CEP250: variants seen among roughly 807,000 people sequenced by gnomAD.
CEP250 encodes the protein centrosome-associated protein CEP250.
In CEP250, 242 loss-of-function variants were observed where a neutral mutation model predicts 315.7. The ratio of observed to expected loss-of-function variants is 0.77; its 90% CI spans 0.69 to 0.85. The LOEUF is 0.85. Among genes scored for constraint, CEP250 ranks in the 40% least tolerant of loss-of-function variants. CEP250 has a pLI of 0.00. For synonymous variants in CEP250, 1,088 were observed against 1,175.0 expected (o/e 0.93, Z 1.51); for missense variants, 2,515 against 2,886.4 (o/e 0.87, Z 2.95).
chr20:35,460,492 G>C (rs1284386648), intron 3 of CEP250, among the ~76,000 whole-genome samples: 1 of 152,164 alleles, frequency 6.6e-6, no homozygotes, highest in Admixed American at 6.5e-5. Flanking sequence ...CCTGTCTAAA[G>C]GGGGCAGGCA....
intron 24 of CEP250, 30 bp downstream of exon 24, chr20:35,494,687 T>C (rs778556856): frequency 6.2e-7 from 1 of 1,612,188 alleles, no homozygotes; most frequent in Non-Finnish European, 8.5e-7. Flanking sequence ...GAGGTGGCTT[T>C]TGTCTATCTG....
At position 35,466,724 on chromosome 20, in the gene CEP250, T is replaced by C. The variant is rs140812029; in HGVS notation, c.493-242T>C. Among the ~76,000 whole-genome samples the C allele has an allele frequency of 3.4e-3, 511 of 152,230 alleles. 3 individuals carry two copies. Among genetic ancestry groups the C allele is most frequent in the African/African-American group, 0.012 (498 of 41,548 alleles). ...GATCCCATTTGTTAAGCAGCTACCG[T>C]GTATCCTTTTCTAATCTGGCCCAGA... is the stretch of plus-strand genomic sequence containing the variant. On this transcript the variant is annotated intron_variant, in intron 7 of 34. Coordinates refer to ENST00000397527, the MANE Select transcript of CEP250 (RefSeq NM_007186.6).
intron 31 of CEP250, 71 bp downstream of exon 31, chr20:35,507,922 T>G: frequency 1.9e-6 from 3 of 1,596,350 alleles, no homozygotes; most frequent in Non-Finnish European, 2.6e-6. Flanking sequence ...TCCCCTTCCC[T>G]TGGGAACTGG....
At chr20:35,471,035 C>T (rs1187709694) in intron 10 of CEP250, among the ~76,000 whole-genome samples, 1 of 152,150 alleles carries the variant, frequency 6.6e-6, no homozygotes, top group Non-Finnish European at 1.5e-5. Context: ...GCTCCTGAAC[C>T]CCTATTCATA....
chr20:35,467,179 G>GGGGGGGGGGGCGCCC, intron 8 of CEP250, 107 bp downstream of exon 8: 1 of 534,900 alleles, frequency 1.9e-6, no homozygotes, highest in Non-Finnish European at 3.5e-6. Flanking sequence ...GGTGGGTGGG[G>GGGGGGGGGGGCGCCC]GAGTTGGTAG....
intron 9 of CEP250, among the ~76,000 whole-genome samples, chr20:35,467,980 C>T (rs1178134993): frequency 8.3e-6 from 1 of 121,100 alleles, no homozygotes; most frequent in Non-Finnish European, 1.6e-5. Context: ...GAGTCTCATT[C>T]TATCGCCCAG....
At chr20:35,470,392 G>A (rs2062995072) in intron 10 of CEP250, among the ~76,000 whole-genome samples, 1 of 152,190 alleles carries the variant, frequency 6.6e-6, no homozygotes, top group Non-Finnish European at 1.5e-5. Flanking sequence ...TTGAGGCCCT[G>A]TGAAGGCCCT....
intron 20 of CEP250, among the ~76,000 whole-genome samples, chr20:35,489,875 G>A (rs765504491): frequency 3.3e-5 from 5 of 152,174 alleles, no homozygotes; most frequent in Non-Finnish European, 7.3e-5. Context: ...CAATGTGGCT[G>A]CTTTAAAGAT....
At chr20:35,479,944 G>A (rs776178519) in intron 19 of CEP250, 32 bp from the exon 20 acceptor site, 3 of 1,609,644 alleles carry the variant, frequency 1.9e-6, no homozygotes, top group East Asian at 4.5e-5. Flanking sequence ...AAAGGAGGGG[G>A]CGGAGGCCTG....
At chr20:35,499,466 C>T (rs1044912033) in intron 27 of CEP250, among the ~76,000 whole-genome samples, 2 of 152,188 alleles carry the variant, frequency 1.3e-5, no homozygotes, top group African/African-American at 4.8e-5. Flanking sequence ...AATTCCACCT[C>T]ACAGTGAACC....
chr20:35,475,292 C>T (rs533236773), intron 14 of CEP250, among the ~76,000 whole-genome samples: 1 of 152,322 alleles, frequency 6.6e-6, no homozygotes, highest in East Asian at 1.9e-4. Flanking sequence ...CTTTCTTCCC[C>T]CACTTTCTTG....
intron 9 of CEP250, among the ~76,000 whole-genome samples, chr20:35,468,945 A>G (rs2062958800): frequency 6.6e-6 from 1 of 152,116 alleles, no homozygotes; most frequent in African/African-American, 2.4e-5. Flanking sequence ...CCAAAGTTCT[A>G]GGATTACCGG....
At chr20:35,465,055 A>G (rs1568757036) in intron 5 of CEP250, among the ~76,000 whole-genome samples, 2 of 152,248 alleles carry the variant, frequency 1.3e-5, no homozygotes, top group South Asian at 4.1e-4. Context: ...TAACCTGCAC[A>G]GCAACTTTCT....
At chr20:35,487,771 A>G (rs2063559062) in intron 20 of CEP250, among the ~76,000 whole-genome samples, 1 of 152,204 alleles carries the variant, frequency 6.6e-6, no homozygotes, top group Non-Finnish European at 1.5e-5. Context: ...CCCCATCTCT[A>G]AATAAATAAA....
intron 20 of CEP250, among the ~76,000 whole-genome samples, chr20:35,483,847 T>G (rs984378434): frequency 2.0e-5 from 3 of 152,212 alleles, no homozygotes; most frequent in Non-Finnish European, 2.9e-5. Flanking sequence ...ATTTTCCTTT[T>G]CAGCTGTGTC....
At chr20:35,499,413 C>T (rs559499836) in intron 27 of CEP250, among the ~76,000 whole-genome samples, 1 of 152,298 alleles carries the variant, frequency 6.6e-6, no homozygotes, top group Non-Finnish European at 1.5e-5. Flanking sequence ...TTGAGGTTGG[C>T]ATTTATAGGC....
chr20:35,458,966 CTTTTTTTTTTTTTTTTT>C (rs778598883), intron 2 of CEP250, among the ~76,000 whole-genome samples: 1 of 59,210 alleles, frequency 1.7e-5, no homozygotes, highest in East Asian at 5.6e-4. Flanking sequence ...TAATGCAAAT[CTTTTTTTTTTTTTTTTT>C]TTTTTTTTTT....
At position 35,504,572 on chromosome 20, in the gene CEP250, G is replaced by C; in HGVS notation, c.6203G>C (p.Arg2068Thr). The change falls in exon 30 of 35, where the codon AGG becomes ACG. Residue 2068 changes from arginine to threonine, a missense_variant. Transcript: ENST00000397527. ...CTGCTGGAGAAGTCTCTGGCCCAGA[G>C]GGTCCAAGAGAATATGATCCAAGAG... Reference protein sequence around the residue: ...EQLLEKSLAQRVQENMIQEKQ... With the variant: ...EQLLEKSLAQTVQENMIQEKQ... 1 of 1,614,168 alleles carries C rather than the reference G, an allele frequency of 6.2e-7. No individual in the cohort carries two copies. The highest frequency in any genetic ancestry group is 1.1e-5 in the South Asian group (1 of 91,082).
chr20:35,504,873 G>C lies in CEP250; in HGVS notation c.6504G>C (p.Glu2168Asp). The C allele has an allele frequency of 5.0e-6, 8 of 1,614,248 alleles. No individual in the cohort carries two copies. The highest frequency in any genetic ancestry group is 5.1e-6 in the Non-Finnish European group (6 of 1,180,044). Residue 2168 changes from glutamate (E) to aspartate (D), a missense_variant, in exon 30 of 35, where the codon GAG (glutamate) becomes GAC (aspartate). By Grantham distance (45) the Glu-to-Asp change is conservative. Transcript: ENST00000397527. ...ALRQTEAREI[E>D]WREKAQDLAL... Reference sequence around the variant, plus strand: ...GACAGACAGAAGCCAGGGAGATTGAGTGGAGGGAGAAGGCCCAGGACTTGG... The same window carrying C: ...GACAGACAGAAGCCAGGGAGATTGACTGGAGGGAGAAGGCCCAGGACTTGG...
Sources: gnomAD v4.1 joint callset for allele counts (sites outside exome capture counted in the v4.1 genomes callset) on GRCh38, gnomAD v4.1.1 for gene constraint, MANE v1.5 for transcripts, NCBI Gene and HGNC (gene_info 2026-07-23, HGNC 2026-07-21) for gene names.